The following SLC24A2 variants were observed in gnomAD, a reference collection of about 807,000 sequenced individuals.
SLC24A2 encodes solute carrier family 24 member 2.
In SLC24A2, 36 loss-of-function variants were observed where a neutral mutation model predicts 62.0. The ratio of observed to expected loss-of-function variants is 0.58; its 90% CI spans 0.44 to 0.77. The LOEUF is 0.77. Ranked by LOEUF, SLC24A2 falls within the 30% of genes least tolerant of loss-of-function variation. The pLI, the probability that SLC24A2 is intolerant of heterozygous loss-of-function variation, is 0.00. For missense variants in SLC24A2, 846 were observed against 817.9 expected, an observed-to-expected ratio of 1.03 and a Z score of -0.42; for synonymous variants, 358 against 294.0, an observed-to-expected ratio of 1.22 and a Z score of -2.23.
intron 2 of SLC24A2, among the ~76,000 whole-genome samples, chr9:19,769,610 A>G (rs1822623766): frequency 1.3e-5 from 2 of 152,156 alleles, no homozygotes; most frequent in African/African-American, 2.4e-5. Context: ...CTATGTTCTT[A>G]TGGTTCTTCC....
At chr9:20,208,949 G>A in the SLC24A2 span, among the ~76,000 whole-genome samples, 2 of 152,180 alleles carry the variant, frequency 1.3e-5, no homozygotes, top group Non-Finnish European at 2.9e-5. Context: ...AGTAACTAAG[G>A]TGCAGTGCCT....
At chr9:19,565,805 A>C (rs1488271151) in intron 7 of SLC24A2, among the ~76,000 whole-genome samples, 1 of 152,202 alleles carries the variant, frequency 6.6e-6, no homozygotes, top group East Asian at 1.9e-4. Flanking sequence ...CCCACTAATA[A>C]TACCACACAT....
At chr9:19,551,232 G>A (rs184368733) in intron 7 of SLC24A2, among the ~76,000 whole-genome samples, 57 of 152,328 alleles carry the variant, frequency 3.7e-4, no homozygotes, top group African/African-American at 1.3e-3. Flanking sequence ...GCAAACATAT[G>A]TCTCAGTCCT....
chr9:20,101,059 T>C, the SLC24A2 span, among the ~76,000 whole-genome samples: 95 of 152,370 alleles, frequency 6.2e-4, no homozygotes, highest in African/African-American at 2.1e-3. Flanking sequence ...CCCACATCTT[T>C]CTGGTGATGA....
chr9:19,882,253 C>T, the SLC24A2 span, among the ~76,000 whole-genome samples: 70,493 of 152,022 alleles, frequency 0.46, 17,415 homozygotes, highest in Non-Finnish European at 0.55. Flanking sequence ...TGGCCAATAC[C>T]GAACATGCAT....
the SLC24A2 span, among the ~76,000 whole-genome samples, chr9:19,847,683 G>A: frequency 2.4e-4 from 37 of 152,226 alleles, no homozygotes; most frequent in East Asian, 1.2e-3. Flanking sequence ...TTTGCTACCC[G>A]CACTGGAGGT....
chr9:19,548,473 T>C (rs1834688755), intron 8 of SLC24A2, among the ~76,000 whole-genome samples: 1 of 152,148 alleles, frequency 6.6e-6, no homozygotes. Context: ...TGAAATTACA[T>C]AATATAGTTT....
At chr9:19,858,355 C>A in the SLC24A2 span, among the ~76,000 whole-genome samples, 1 of 152,116 alleles carries the variant, frequency 6.6e-6, no homozygotes, top group Non-Finnish European at 1.5e-5. Flanking sequence ...AAAATTAACT[C>A]AAGAAAGATT....
chr9:20,168,245 A>G, the SLC24A2 span, among the ~76,000 whole-genome samples: 1 of 152,054 alleles, frequency 6.6e-6, no homozygotes, highest in South Asian at 2.1e-4. Flanking sequence ...AATCTGATAA[A>G]GAGTATAATT....
At chr9:20,218,214 A>T in the SLC24A2 span, among the ~76,000 whole-genome samples, 2 of 152,082 alleles carry the variant, frequency 1.3e-5, no homozygotes, top group African/African-American at 4.8e-5. Flanking sequence ...TCATCCACTT[A>T]TTTGCTCCTG....
At chr9:19,683,747 C>T (rs10448198) in intron 2 of SLC24A2, among the ~76,000 whole-genome samples, 64,194 of 151,916 alleles carry the variant, frequency 0.42, 15,050 homozygotes, top group East Asian at 0.75. Flanking sequence ...TTTTATATAG[C>T]TAGAACAGCT....
At chr9:20,291,995 G>GT in the SLC24A2 span, among the ~76,000 whole-genome samples, 1 of 152,150 alleles carries the variant, frequency 6.6e-6, no homozygotes, top group Admixed American at 6.5e-5. Context: ...ACTAGAAAGG[G>GT]TGTCAGGTGG....
chr9:20,300,347 G>A, the SLC24A2 span, among the ~76,000 whole-genome samples: 25 of 152,240 alleles, frequency 1.6e-4, no homozygotes, highest in African/African-American at 5.8e-4. Flanking sequence ...CAAACTTTGT[G>A]ACTTTGAAAA....
the SLC24A2 span, among the ~76,000 whole-genome samples, chr9:20,162,790 G>C: frequency 6.6e-6 from 1 of 152,108 alleles, no homozygotes; most frequent in Non-Finnish European, 1.5e-5. Flanking sequence ...TCATGATCAA[G>C]TGGGCTTCAT....
chr9:20,162,147 C>T, the SLC24A2 span, among the ~76,000 whole-genome samples: 107 of 151,750 alleles, frequency 7.1e-4, no homozygotes, highest in African/African-American at 2.5e-3. Context: ...CTCAGGTATT[C>T]CAGGGACTGA....
the SLC24A2 span, among the ~76,000 whole-genome samples, chr9:19,942,264 G>A: frequency 1.3e-5 from 2 of 152,218 alleles, no homozygotes; most frequent in Admixed American, 6.5e-5. Flanking sequence ...TGCTAAACAC[G>A]TTGTGAACAT....
the SLC24A2 span, among the ~76,000 whole-genome samples, chr9:20,072,267 T>C: frequency 1.3e-5 from 2 of 152,150 alleles, no homozygotes; most frequent in Non-Finnish European, 2.9e-5. Flanking sequence ...CTGTGCAACA[T>C]TCCTTCCTCC....
intron 9 of SLC24A2, among the ~76,000 whole-genome samples, chr9:19,524,587 T>C (rs1251523325): frequency 6.6e-6 from 1 of 152,198 alleles, no homozygotes; most frequent in Non-Finnish European, 1.5e-5. Flanking sequence ...AGTTCAGAAG[T>C]ACAAACAACA....
At chr9:19,612,549 G>A (rs1297409238) in intron 4 of SLC24A2, among the ~76,000 whole-genome samples, 4 of 152,148 alleles carry the variant, frequency 2.6e-5, no homozygotes, top group Non-Finnish European at 4.4e-5. Flanking sequence ...TACAAATGAG[G>A]AGGTTGAGGC....
Sources: allele counts gnomAD v4.1 joint callset (sites outside exome capture counted in the v4.1 genomes callset), GRCh38; gene constraint gnomAD v4.1.1; transcripts MANE v1.5; gene names NCBI Gene and HGNC (gene_info 2026-07-23, HGNC 2026-07-21).